The following TOP1 variants were observed in gnomAD, a reference collection of about 807,000 sequenced individuals.
The protein encoded by TOP1 is DNA topoisomerase I, also known as DNA topoisomerase 1.
TOP1 carries 10 observed loss-of-function variants against 111.1 expected under a neutral mutation model. The observed-to-expected ratio is 0.09, with a 90% CI of 0.06 to 0.15. The LOEUF (loss-of-function observed/expected upper bound fraction) is 0.15, where lower values mean the gene tolerates loss of function less well. TOP1 is among the 10% of genes least tolerant of loss of function. TOP1 has a pLI of 1.00. For missense variants in TOP1, 474 were observed against 926.7 expected (o/e 0.51, Z 6.34); for synonymous variants, 271 against 302.9 (o/e 0.89, Z 1.10).
chr20:41,058,003 C>T lies in TOP1; in HGVS notation c.59-3391C>T, dbSNP rs944175363. Among the ~76,000 whole-genome samples, 12 of 152,304 alleles carry T rather than the reference C, an allele frequency of 7.9e-5. No homozygotes were observed. The highest frequency in any genetic ancestry group is 2.1e-4 in the South Asian group (1 of 4,832). On this transcript the variant is annotated intron_variant, in intron 2 of 20. Transcript: ENST00000361337. This position sits in a 1 kb window ranked among gnomAD's most constrained non-coding sequence, Gnocchi z 4.2. Reference sequence around the variant, plus strand: ...CAACTTAGCATTTTAAAATTATAGACTCGAGGTTTTTAGAAGAAGCTGAAG... The same window carrying T: ...CAACTTAGCATTTTAAAATTATAGATTCGAGGTTTTTAGAAGAAGCTGAAG...
At chr20:41,093,424 T>C (rs2033944077) in intron 9 of TOP1, among the ~76,000 whole-genome samples, 1 of 151,988 alleles carries the variant, frequency 6.6e-6, no homozygotes, top group South Asian at 2.1e-4. Flanking sequence ...ACCGTCCCTC[T>C]TCTTCTTTCC....
chr20:41,068,795 G>T (rs985023704), intron 3 of TOP1, among the ~76,000 whole-genome samples: 1 of 152,142 alleles, frequency 6.6e-6, no homozygotes, highest in Non-Finnish European at 1.5e-5. Context: ...TTCTTAAAGG[G>T]TTACATTCTT....
At chr20:41,063,360 T>C (rs1291619387) in intron 3 of TOP1, among the ~76,000 whole-genome samples, 2 of 152,246 alleles carry the variant, frequency 1.3e-5, no homozygotes, top group Non-Finnish European at 2.9e-5. Flanking sequence ...CCTAGGTTGA[T>C]TCCATGTCTT....
At position 41,030,750 on chromosome 20, in the gene TOP1, ATGT is replaced by A. The variant is rs1285761371; in HGVS notation, c.58+1299_58+1301del. ...GAGAAGTTGATGAGTAGGTTTTCTA[ATGT>A]TGTAATCAGCAGTCCATCATGTTAG... is the stretch of plus-strand genomic sequence containing the variant. On this transcript the variant is annotated intron_variant, in intron 2 of 20. Coordinates refer to ENST00000361337, the MANE Select transcript of TOP1 (RefSeq NM_003286.4). The surrounding 1 kb of genome is among the most constrained non-coding windows in gnomAD (Gnocchi z 4.1). Among the ~76,000 whole-genome samples the A allele has an allele frequency of 3.9e-5, 6 of 152,122 alleles. No individual in the cohort carries two copies. Among genetic ancestry groups the A allele is most frequent in the African/African-American group, 1.2e-4 (5 of 41,432 alleles).
intron 2 of TOP1, among the ~76,000 whole-genome samples, chr20:41,053,714 C>A (rs2033433704): frequency 6.6e-6 from 1 of 152,150 alleles, no homozygotes; most frequent in Non-Finnish European, 1.5e-5. Context: ...ATTTGAGTTT[C>A]AAATGTTTCC....
intron 2 of TOP1, among the ~76,000 whole-genome samples, chr20:41,031,661 C>T (rs549477716): frequency 6.6e-6 from 1 of 152,258 alleles, no homozygotes; most frequent in East Asian, 1.9e-4. Context: ...GAGTTAGGTC[C>T]TGTTATTTCT....
intron 3 of TOP1, among the ~76,000 whole-genome samples, chr20:41,068,549 C>T (rs935324862): frequency 6.6e-6 from 1 of 152,114 alleles, no homozygotes; most frequent in African/African-American, 2.4e-5. Flanking sequence ...AATAGGCATG[C>T]ACCACCATGC....
chr20:41,029,013 C>G lies in TOP1; in HGVS notation c.-55C>G. The G allele has an allele frequency of 1.3e-6, 2 of 1,509,984 alleles. No homozygotes were observed. Among genetic ancestry groups the G allele is most frequent in the Non-Finnish European group, 1.8e-6 (2 of 1,124,598 alleles). 93.5% of individuals were successfully genotyped at this position (1,509,984 alleles called of 1,614,324 possible). A position where few individuals can be genotyped will look rare whatever the true frequency, so the allele number is the denominator to read the frequency against. On this transcript the variant is annotated 5_prime_UTR_variant, in exon 1 of 21. Coordinates refer to ENST00000361337, the MANE Select transcript of TOP1 (RefSeq NM_003286.4). The surrounding 1 kb of genome is among the most constrained non-coding windows in gnomAD (Gnocchi z 6.1). ...CCGCCCGCACAGGCCGGTTCGCCGT[C>G]TGCGTCTCCCCCACGCCGCCTCGCC...
In TOP1 at chr20:41,034,672, A is replaced by G. The variant is rs2033162534; in HGVS notation, c.58+5217A>G. Reference sequence around the variant, plus strand: ...AACATTTTCTGTGTGTATAGGAAAGATCCTAGATATTTTTCACACTGGGAG... The same window carrying G: ...AACATTTTCTGTGTGTATAGGAAAGGTCCTAGATATTTTTCACACTGGGAG... On this transcript the variant is annotated intron_variant, in intron 2 of 20. Transcript: ENST00000361337. This position sits in a 1 kb window ranked among gnomAD's most constrained non-coding sequence, Gnocchi z 4.0. 2.0e-5 allele frequency among the ~76,000 whole-genome samples: 3 copies of G among 152,230 alleles called. No individual in the cohort carries two copies. In the South Asian group the frequency reaches 6.2e-4, roughly 32 times the overall value.
At chr20:41,076,000 C>T (rs1013052189) in intron 3 of TOP1, among the ~76,000 whole-genome samples, 171 bp from the exon 4 acceptor site, 1 of 152,172 alleles carries the variant, frequency 6.6e-6, no homozygotes. Flanking sequence ...ATAAAAACAT[C>T]AAACAAGATA....
Position 41,067,378 on chromosome 20 carries a change from C to G in TOP1, c.155+5888C>G, listed in dbSNP as rs1487048455. Among the ~76,000 whole-genome samples the G allele has an allele frequency of 1.3e-5, 2 of 152,160 alleles. No homozygotes were observed. Among genetic ancestry groups the G allele is most frequent in the African/African-American group, 4.8e-5 (2 of 41,436 alleles). ...TTGTGATCCTCCTGCCTCAGCCTCC[C>G]AAGGTGCTGGGATTACAGGCTTGAG... On this transcript the variant is annotated intron_variant, in intron 3 of 20. Coordinates refer to ENST00000361337, the MANE Select transcript of TOP1 (RefSeq NM_003286.4). This position sits in a 1 kb window ranked among gnomAD's most constrained non-coding sequence, Gnocchi z 4.0.
intron 2 of TOP1, among the ~76,000 whole-genome samples, chr20:41,038,967 T>G (rs1468422986): frequency 6.6e-6 from 1 of 151,558 alleles, no homozygotes; most frequent in East Asian, 1.9e-4. Context: ...TACCCCGTTT[T>G]GGGCAACAGA....
At chr20:41,037,129 C>G (rs6129735) in intron 2 of TOP1, among the ~76,000 whole-genome samples, 1 of 152,152 alleles carries the variant, frequency 6.6e-6, no homozygotes, top group East Asian at 1.9e-4. Flanking sequence ...CGCGCCAAGC[C>G]TAATTCCTAC....
At chr20:41,070,679 C>T (rs1210791625) in intron 3 of TOP1, among the ~76,000 whole-genome samples, 1 of 152,220 alleles carries the variant, frequency 6.6e-6, no homozygotes, top group African/African-American at 2.4e-5. Flanking sequence ...GATCCAACTT[C>T]ATGTGACCTG....
rs763464136 is a variant in TOP1 at position 41,115,325 on chromosome 20, G to A, written c.1639-46G>A. The stretch of plus-strand genomic sequence containing the variant: ...AAGTTTGGGGTTATTTCTAAAGTTA[G>A]GATTTTTTTCAAGAGTAATAATTAG... On this transcript the variant is annotated intron_variant, in intron 15 of 20. Coordinates refer to ENST00000361337, the MANE Select transcript of TOP1 (RefSeq NM_003286.4). This position sits in a 1 kb window ranked among gnomAD's most constrained non-coding sequence, Gnocchi z 6.3. 2 of 1,404,560 alleles carry A rather than the reference G, an allele frequency of 1.4e-6. No individual in the cohort carries two copies. The highest frequency in any genetic ancestry group is 2.3e-5 in the South Asian group (2 of 86,112). 87.0% of individuals were successfully genotyped at this position (1,404,560 alleles called of 1,614,324 possible).
At chr20:41,088,762 C>G (rs2033879021) in intron 8 of TOP1, among the ~76,000 whole-genome samples, 1 of 152,020 alleles carries the variant, frequency 6.6e-6, no homozygotes, top group Non-Finnish European at 1.5e-5. Flanking sequence ...AATTTCATAC[C>G]TGAAAAAGTG....
At position 41,078,989 on chromosome 20, in the gene TOP1, A is replaced by G. The variant is rs1381023875; in HGVS notation, c.336-1096A>G. ...CTAGCATTTACTTAACTAGTTGGGT[A>G]AATGATAGGCTTTCTTTCCTTCTGG... On this transcript the variant is annotated intron_variant, in intron 5 of 20. Transcript: ENST00000361337. The surrounding 1 kb of genome is among the most constrained non-coding windows in gnomAD (Gnocchi z 5.3). Among the ~76,000 whole-genome samples the G allele has an allele frequency of 2.0e-5, 3 of 152,212 alleles. No individual in the cohort carries two copies. The highest frequency in any genetic ancestry group is 6.5e-5 in the Admixed American group (1 of 15,286).
chr20:41,101,390 G>A lies in TOP1; in HGVS notation c.1308+37G>A, dbSNP rs1428444475. 2 of 1,582,776 alleles carry A rather than the reference G, an allele frequency of 1.3e-6. No individual in the cohort carries two copies. The highest frequency in any genetic ancestry group is 4.5e-5 in the East Asian group (2 of 44,294). On this transcript the variant is annotated intron_variant, in intron 13 of 20. Coordinates refer to ENST00000361337, the MANE Select transcript of TOP1 (RefSeq NM_003286.4). The surrounding 1 kb of genome is among the most constrained non-coding windows in gnomAD (Gnocchi z 4.1). ...GTTGAGAGCTGCACTGGTTCATGGT[G>A]CTGATAACCTTTTTTTGTTGAAATG...
chr20:41,055,408 G>C (rs940837930), intron 2 of TOP1, among the ~76,000 whole-genome samples: 6 of 152,242 alleles, frequency 3.9e-5, no homozygotes, highest in African/African-American at 1.4e-4. Context: ...CAAGGCCACA[G>C]TATGTTCTCT....
Sources: allele counts gnomAD v4.1 joint callset (sites outside exome capture counted in the v4.1 genomes callset), GRCh38; gene constraint gnomAD v4.1.1; non-coding constraint Gnocchi (gnomAD v3.1); transcripts MANE v1.5; gene names NCBI Gene and HGNC (gene_info 2026-07-23, HGNC 2026-07-21).